Variants in SLC4A2 observed in about 807,000 individuals in gnomAD.
SLC4A2 encodes the protein anion exchange protein 2.
SLC4A2 carries 36 observed loss-of-function variants against 115.0 expected under a neutral mutation model. That is an observed-to-expected ratio of 0.31 (90% CI 0.24 to 0.41). SLC4A2 has a LOEUF of 0.41. Among genes scored for constraint, SLC4A2 ranks in the 10% least tolerant of loss-of-function variants. The pLI is 1.00. For synonymous variants in SLC4A2, 708 were observed against 708.3 expected (o/e 1.00, Z 0.01); for missense variants, 1,252 against 1,705.6 (o/e 0.73, Z 4.68).
At chr7:151,062,709 T>C in intron 2 of SLC4A2, 1 of 1,447,142 alleles carries the variant, frequency 6.9e-7, no homozygotes. Flanking sequence ...GCAAGCTCCC[T>C]GCGCCTCTCC....
intron 5 of SLC4A2, 27 bp downstream of exon 5, chr7:151,064,993 C>G (rs749082096): frequency 7.2e-7 from 1 of 1,383,706 alleles, no homozygotes; most frequent in Non-Finnish European, 1.0e-6. Flanking sequence ...CAACAGTGTC[C>G]CCAACAGACA....
chr7:151,071,093 C>G lies in SLC4A2; in HGVS notation c.1771C>G (p.Leu591Val), dbSNP rs774505975. ...SDKQFHEAAY[L>V]ADEREDLLTA... is the part of the protein sequence containing the mutation. Reference sequence around the variant, plus strand: ...GCAGCAATTCCACGAGGCAGCCTACCTGGCTGACGAGCGGGAGGACCTGCT... The same window carrying G: ...GCAGCAATTCCACGAGGCAGCCTACGTGGCTGACGAGCGGGAGGACCTGCT... The change falls in exon 13 of 23, where the codon CTG (leucine) becomes GTG (valine). Residue 591 changes from leucine (L) to valine (V), a missense_variant. Around this residue, in one of 14 missense-constraint regions of SLC4A2, gnomAD observed 87 missense variants for 170.3 expected, o/e 0.51. Transcript: ENST00000413384. The surrounding 1 kb of genome is among the most constrained non-coding windows in gnomAD (Gnocchi z 5.5). The G allele has an allele frequency of 2.5e-6, 4 of 1,612,536 alleles. No homozygotes were observed. The Admixed American group carries it at 5.0e-5, about 20-fold the overall frequency.
chr7:151,059,317 G>A (rs1796971018), upstream of SLC4A2: 3 of 152,230 alleles, frequency 2.0e-5, no homozygotes. This position sits in a 1 kb window ranked among gnomAD's most constrained non-coding sequence, Gnocchi z 5.8. Context: ...ATACGTTTAT[G>A]TTTCGACTTC....
At chr7:151,063,213 A>AG (rs988573810) in intron 2 of SLC4A2, 3 of 100,992 alleles carry the variant, frequency 3.0e-5, no homozygotes, top group East Asian at 1.3e-4. Flanking sequence ...GGGTGGGGTG[A>AG]GGGGTGGGGC....
intron 2 of SLC4A2, chr7:151,063,201 G>C: frequency 1.4e-6 from 2 of 1,422,512 alleles, no homozygotes; most frequent in South Asian, 2.8e-5. Flanking sequence ...TGGGGGCTGT[G>C]GGGGTGGGGT....
intron 8 of SLC4A2, among the ~76,000 whole-genome samples, chr7:151,068,559 G>A (rs1338742830): frequency 1.3e-5 from 2 of 151,914 alleles, no homozygotes; most frequent in Admixed American, 6.6e-5. Context: ...TTGCTCTGTT[G>A]CCCAGGCTGG....
rs138391747 is a variant in SLC4A2, at chr7:151,069,254, G to A, written c.1148-693G>A. Among the ~76,000 whole-genome samples, 92 of 151,574 alleles carry A rather than the reference G, an allele frequency of 6.1e-4. No homozygotes were observed. In the East Asian group the frequency reaches 0.014, roughly 22 times the overall value. ...GCTCAGGGTCTTTGGGTAAAGGGCC[G>A]CCGTGGAAGGGCTTTCTCACTGGGC... On this transcript the variant is annotated intron_variant, in intron 8 of 22. Coordinates refer to ENST00000413384, the MANE Select transcript of SLC4A2 (RefSeq NM_003040.4).
intron 2 of SLC4A2, chr7:151,063,141 T>C (rs1417847361): frequency 1.5e-6 from 2 of 1,302,878 alleles, no homozygotes; most frequent in African/African-American, 1.6e-5. Context: ...CCGCATTCCC[T>C]GCCGGCTGTG....
intron 3 of SLC4A2, 59 bp downstream of exon 3, chr7:151,064,426 G>A (rs1217559275): frequency 1.3e-6 from 2 of 1,567,350 alleles, no homozygotes; most frequent in Non-Finnish European, 1.7e-6. Context: ...GTCCAGCAAA[G>A]AAGGGACTGG....
At chr7:151,062,451 G>GCCCCTCCCAGCCCCCACCTGGCCC in intron 2 of SLC4A2, 1 of 444,622 alleles carries the variant, frequency 2.2e-6, no homozygotes, top group Non-Finnish European at 3.5e-6. Context: ...ACCCAGGCCC[G>GCCCCTCCCAGCCCCCACCTGGCCC]CCCCTCCCTG....
chr7:151,060,618 G>A lies in SLC4A2; in HGVS notation c.-64+856G>A, dbSNP rs536207438. On this transcript the variant is annotated intron_variant, in intron 1 of 22. Transcript: ENST00000413384. The surrounding 1 kb of genome is among the most constrained non-coding windows in gnomAD (Gnocchi z 5.9). ...GGGAGGGGGTGCAGAGGAGTGTGGAGGAGCGCGACGAGGGCACAGCCTGAG... is the reference window on the plus strand; with the variant it reads ...GGGAGGGGGTGCAGAGGAGTGTGGAAGAGCGCGACGAGGGCACAGCCTGAG... 1.3e-5 allele frequency among the ~76,000 whole-genome samples: 2 copies of A among 152,294 alleles called. No individual in the cohort carries two copies. The highest frequency in any genetic ancestry group is 3.9e-4 in the East Asian group (2 of 5,178).
Position 151,074,178 on chromosome 7 carries a change from G to C in SLC4A2, c.2675G>C (p.Gly892Ala). The C allele has an allele frequency of 6.2e-7, 1 of 1,612,928 alleles. No homozygotes were observed. The change falls in exon 17 of 23, where the codon GGG becomes GCG. Residue 892 changes from glycine to alanine, a missense_variant. Physicochemically the swap from Gly to Ala is moderately conservative, Grantham distance 60. Coordinates refer to ENST00000413384, the MANE Select transcript of SLC4A2 (RefSeq NM_003040.4). ...NRSLAGQSGQ[G>A]KPRGQPNTAL... ...AGCTTGGCTGGGCAGTCTGGGCAGG[G>C]GAAGCCCCGGGGCCAGCCCAACACG...
chr7:151,076,432 C>T lies in SLC4A2; in HGVS notation c.*65C>T. On this transcript the variant is annotated 3_prime_UTR_variant, in exon 23 of 23. Transcript: ENST00000413384. Reference sequence around the variant, plus strand: ...GACAGGCTGGTGGGATGGGGTTCCCCCTCCCATGCCCCTCCCTCCTTTTTA... The same window carrying T: ...GACAGGCTGGTGGGATGGGGTTCCCTCTCCCATGCCCCTCCCTCCTTTTTA... The T allele has an allele frequency of 8.3e-7, 1 of 1,209,112 alleles. No individual in the cohort carries two copies. The highest frequency in any genetic ancestry group is 1.6e-5 in the African/African-American group (1 of 64,396). 74.9% of individuals were successfully genotyped at this position (1,209,112 alleles called of 1,614,324 possible).
chr7:151,062,448 C>A, intron 2 of SLC4A2: 2 of 1,083,426 alleles, frequency 1.8e-6, no homozygotes, highest in Non-Finnish European at 2.5e-6. Context: ...GCCACCCAGG[C>A]CCGCCCCTCC....
Position 151,064,665 on chromosome 7 carries a change from G to T in SLC4A2, c.357G>T (p.Pro119=). Residue 119 remains proline (P), a synonymous_variant, in exon 4 of 23, where the codon CCG becomes CCT. Transcript: ENST00000413384. ...GAGCCTCCCCGACTGGAGAAACCCC[G>T]ACCATTGAGGAGGGGGAGGAAGATG... The part of the protein sequence containing the change: ...RPGASPTGET[P]TIEEGEEDED... 6.2e-7 allele frequency: 1 copy of T among 1,613,764 alleles called. No homozygotes were observed.
At position 151,062,716 on chromosome 7, in the gene SLC4A2, C is replaced by T; in HGVS notation, c.51+678C>T. ...CCATGGCGGCAAGCTCCCTGCGCCT[C>T]TCCCCGTCCCCTCGTCCCACGGGGC... On this transcript the variant is annotated intron_variant, in intron 2 of 22. Coordinates refer to ENST00000413384, the MANE Select transcript of SLC4A2 (RefSeq NM_003040.4). The T allele has an allele frequency of 4.2e-6, 6 of 1,426,264 alleles. No individual in the cohort carries two copies. In the South Asian group the frequency reaches 7.2e-5, roughly 17 times the overall value. The allele number at this position is 1,426,264 out of a possible 1,614,324, so 88.4% of individuals were successfully genotyped here.
At chr7:151,063,384 C>G (rs772035850) in intron 2 of SLC4A2, among the ~76,000 whole-genome samples, 63 of 152,188 alleles carry the variant, frequency 4.1e-4, no homozygotes, top group Non-Finnish European at 8.2e-4. Context: ...ACTTTTTGGG[C>G]TCAGCAGTTG....
chr7:151,072,730 C>G (rs573700024), intron 16 of SLC4A2, among the ~76,000 whole-genome samples: 101 of 151,400 alleles, frequency 6.7e-4, no homozygotes, highest in African/African-American at 2.3e-3. Flanking sequence ...GCAATCTCTG[C>G]TCACTGCAAC....
Position 151,066,709 on chromosome 7 carries a change from G to T in SLC4A2, c.771G>T (p.Thr257=). ...AGGCACTGCTGCCCCGGGTCCCCAC[G>T]GATGAGATTGAGGCCCAGACGCTGG... ...AEQALLPRVP[T]DEIEAQTLAT... is the part of the protein sequence containing the mutation. Residue 257 remains threonine (T), a synonymous_variant, in exon 6 of 23, where the codon ACG becomes ACT. Transcript: ENST00000413384. The T allele has an allele frequency of 6.4e-7, 1 of 1,553,160 alleles. No homozygotes were observed.
Sources: gnomAD v4.1 joint callset for allele counts (sites outside exome capture counted in the v4.1 genomes callset) on GRCh38, gnomAD v4.1.1 for gene constraint, gnomAD v4.1.1 regional missense constraint, Gnocchi (gnomAD v3.1) non-coding constraint, MANE v1.5 for transcripts, NCBI Gene and HGNC (gene_info 2026-07-23, HGNC 2026-07-21) for gene names.